THSD4: variants seen among roughly 807,000 people sequenced by gnomAD.
THSD4 encodes thrombospondin type-1 domain-containing protein 4.
THSD4 carries 69 observed loss-of-function variants against 119.0 expected under a neutral mutation model. The ratio of observed to expected loss-of-function variants is 0.58; its 90% confidence interval spans 0.48 to 0.71. The LOEUF is 0.71. Among genes scored for constraint, THSD4 ranks in the 30% least tolerant of loss-of-function variants. The pLI, the probability that THSD4 is intolerant of heterozygous loss-of-function variation, is 0.00. For missense variants in THSD4, 1,393 were observed against 1,391.1 expected, an observed-to-expected ratio of 1.00 and a Z score of -0.02; for synonymous variants, 524 against 540.4, an observed-to-expected ratio of 0.97 and a Z score of 0.42.
At chr15:71,287,431 CATT>C (rs773014035) in intron 6 of THSD4, among the ~76,000 whole-genome samples, 2 of 152,130 alleles carry the variant, frequency 1.3e-5, no homozygotes, top group Non-Finnish European at 2.9e-5. Context: ...CTGTAATAAG[CATT>C]ATGGAATAAT....
intron 7 of THSD4, among the ~76,000 whole-genome samples, chr15:71,588,587 C>A (rs1255983980): frequency 6.6e-6 from 1 of 151,846 alleles, no homozygotes; most frequent in African/African-American, 2.4e-5. Context: ...CCACACCCGG[C>A]TAATTTTTTT....
upstream of THSD4, among the ~76,000 whole-genome samples, chr15:71,112,699 T>C (rs2040315829): frequency 6.6e-6 from 1 of 152,180 alleles, no homozygotes; most frequent in African/African-American, 2.4e-5. Context: ...TTCTTGGCTC[T>C]CTCTTTCGGT....
intron 7 of THSD4, among the ~76,000 whole-genome samples, chr15:71,647,408 A>G (rs1489521450): frequency 3.3e-5 from 5 of 152,210 alleles, no homozygotes; most frequent in Non-Finnish European, 7.3e-5. Context: ...CAAGAAAAGC[A>G]TGAAGGAGCC....
chr15:71,214,963 A>C (rs1596273111), intron 3 of THSD4, 72 bp from the exon 4 acceptor site: 2 of 1,219,128 alleles, frequency 1.6e-6, no homozygotes, highest in African/African-American at 3.2e-5. Context: ...GGATAAGTCG[A>C]CCCTGCTCAA....
intron 3 of THSD4, among the ~76,000 whole-genome samples, chr15:71,187,821 G>T (rs1401957611): frequency 2.0e-5 from 3 of 152,174 alleles, no homozygotes; most frequent in African/African-American, 7.2e-5. Flanking sequence ...AGCACTGCCA[G>T]ATTAATCTTC....
intron 7 of THSD4, among the ~76,000 whole-genome samples, chr15:71,442,563 C>T (rs1162677880): frequency 2.3e-5 from 1 of 44,358 alleles, no homozygotes; most frequent in Non-Finnish European, 4.5e-5. Flanking sequence ...AGCAAAACTC[C>T]ATCTCAAAAA....
chr15:71,156,298 C>G (rs1006179277), intron 3 of THSD4, among the ~76,000 whole-genome samples: 7 of 151,186 alleles, frequency 4.6e-5, no homozygotes, highest in African/African-American at 7.3e-5. Flanking sequence ...GCTCTTGTCA[C>G]CCAGGCTGGA....
In THSD4 at chr15:71,664,555, A is replaced by C. The variant is rs2051377427; in HGVS notation, c.1357+3821A>C. 2.0e-5 allele frequency among the ~76,000 whole-genome samples: 3 copies of C among 152,174 alleles called. No homozygotes were observed. In the South Asian group the frequency reaches 6.2e-4, roughly 32 times the overall value. ...GGTGTACATGTGCAGGTTTTTATAT[A>C]GGTAAAATCACGTCACTGGGGTTTT... is the stretch of plus-strand genomic sequence containing the variant. On this transcript the variant is annotated intron_variant, in intron 8 of 17. Coordinates refer to ENST00000261862, the MANE Select transcript of THSD4 (RefSeq NM_024817.3).
chr15:71,668,851 A>C (rs1295265211), intron 8 of THSD4, among the ~76,000 whole-genome samples: 2 of 152,250 alleles, frequency 1.3e-5, no homozygotes, highest in African/African-American at 2.4e-5. Flanking sequence ...TTAAGCCTAT[A>C]GCATGAAAGA....
intron 3 of THSD4, among the ~76,000 whole-genome samples, chr15:71,166,541 C>A (rs894490): frequency 0.54 from 82,421 of 151,942 alleles, 24,975 homozygotes; most frequent in Middle Eastern, 0.7. Flanking sequence ...GCAAAGGATT[C>A]CAGCTTACTT....
At chr15:71,164,544 C>G (rs1340785803) in intron 3 of THSD4, among the ~76,000 whole-genome samples, 4 of 152,010 alleles carry the variant, frequency 2.6e-5, no homozygotes, top group Non-Finnish European at 5.9e-5. Context: ...TTACAACCCC[C>G]ATACTGTACC....
intron 7 of THSD4, among the ~76,000 whole-genome samples, chr15:71,413,737 T>C (rs547201280): frequency 6.6e-6 from 1 of 152,352 alleles, no homozygotes; most frequent in African/African-American, 2.4e-5. Flanking sequence ...AGAATTAGGA[T>C]GCGGTACAGA....
intron 7 of THSD4, among the ~76,000 whole-genome samples, chr15:71,639,122 T>A (rs2050806014): frequency 6.6e-6 from 1 of 152,104 alleles, no homozygotes; most frequent in East Asian, 1.9e-4. Context: ...AGACCTAACT[T>A]CAGAAGGTTG....
intron 3 of THSD4, among the ~76,000 whole-genome samples, chr15:71,181,649 G>GC (rs1468443081): frequency 3.3e-5 from 5 of 152,298 alleles, no homozygotes; most frequent in African/African-American, 1.2e-4. Context: ...GTCCCTCTTT[G>GC]CCATCCCCAG....
chr15:71,228,426 T>C (rs925758), intron 4 of THSD4, among the ~76,000 whole-genome samples: 150,162 of 152,284 alleles, frequency 0.99, 74,083 homozygotes, highest in East Asian at 1. Flanking sequence ...ATGCTGATTT[T>C]AAATTTCTGG....
At chr15:71,119,877 G>A (rs2040394777) in intron 1 of THSD4, among the ~76,000 whole-genome samples, 1 of 152,164 alleles carries the variant, frequency 6.6e-6, no homozygotes, top group Non-Finnish European at 1.5e-5. Flanking sequence ...CCCAGCCTCA[G>A]TTTCCCCATG....
chr15:71,344,174 G>C (rs536828979), intron 6 of THSD4, among the ~76,000 whole-genome samples: 7 of 152,036 alleles, frequency 4.6e-5, no homozygotes, highest in Non-Finnish European at 1.0e-4. Flanking sequence ...GAGTAGCTGG[G>C]ACTACAGGTG....
intron 7 of THSD4, among the ~76,000 whole-genome samples, chr15:71,575,561 T>G (rs1484921490): frequency 6.6e-6 from 1 of 152,180 alleles, no homozygotes; most frequent in Non-Finnish European, 1.5e-5. Flanking sequence ...TCTTCGTCTT[T>G]AATAAGTTGT....
intron 6 of THSD4, among the ~76,000 whole-genome samples, chr15:71,268,535 C>T (rs1450512191): frequency 6.6e-6 from 1 of 151,860 alleles, no homozygotes; most frequent in Admixed American, 6.6e-5. Flanking sequence ...CCCAACACTA[C>T]AATTAAAAGA....
Sources: allele counts gnomAD v4.1 joint callset (sites outside exome capture counted in the v4.1 genomes callset), GRCh38; gene constraint gnomAD v4.1.1; transcripts MANE v1.5; gene names NCBI Gene and HGNC (gene_info 2026-07-23, HGNC 2026-07-21).